The following RBFOX1 variants were observed in gnomAD, a reference collection of about 807,000 sequenced individuals.
RBFOX1 encodes RNA binding protein fox-1 homolog 1.
RBFOX1 carries 8 observed loss-of-function variants against 57.7 expected under a neutral mutation model. That is an observed-to-expected ratio of 0.14 (90% CI 0.08 to 0.25). The LOEUF is 0.25. Among genes scored for constraint, RBFOX1 ranks in the 10% least tolerant of loss-of-function variants. RBFOX1 has a pLI of 1.00. For synonymous variants in RBFOX1, 326 were observed against 222.4 expected (o/e 1.47, Z -4.15); for missense variants, 611 against 548.5 (o/e 1.11, Z -1.14).
intron 3 of RBFOX1, among the ~76,000 whole-genome samples, chr16:6,974,533 T>C (rs1367851439): frequency 6.6e-6 from 1 of 151,736 alleles, no homozygotes; most frequent in African/African-American, 2.4e-5. Flanking sequence ...TTAGTAGAGA[T>C]GAGGTTTCAT....
chr16:6,035,539 A>G (rs961307281), intron 1 of RBFOX1, among the ~76,000 whole-genome samples: 8 of 152,310 alleles, frequency 5.3e-5, no homozygotes, highest in South Asian at 2.1e-4. Context: ...GTTCCCAACT[A>G]TAGTCCAGCT....
chr16:5,893,099 T>C (rs184921897), intron 4 of RBFOX1, among the ~76,000 whole-genome samples: 6 of 152,334 alleles, frequency 3.9e-5, no homozygotes, highest in Admixed American at 3.9e-4. Flanking sequence ...CAAATGTGTA[T>C]GCAAGTTTGG....
At chr16:7,470,011 G>T (rs1224864719) in intron 4 of RBFOX1, among the ~76,000 whole-genome samples, 1 of 136,352 alleles carries the variant, frequency 7.3e-6, no homozygotes, top group Non-Finnish European at 1.6e-5. Flanking sequence ...GCTACAGCAT[G>T]GGTCAGTTTT....
intron 2 of RBFOX1, among the ~76,000 whole-genome samples, chr16:6,542,096 C>A (rs529977431): frequency 2.0e-5 from 3 of 152,020 alleles, no homozygotes; most frequent in East Asian, 3.9e-4. Flanking sequence ...ACAGAGATAA[C>A]TTTTTTTTCT....
intron 12 of RBFOX1, among the ~76,000 whole-genome samples, chr16:7,654,412 C>A (rs1314747460): frequency 6.6e-6 from 1 of 152,144 alleles, no homozygotes; most frequent in Admixed American, 6.5e-5. Flanking sequence ...GAACCTTTGC[C>A]TGCAAAGAGA....
chr16:5,906,847 G>C (rs1289222225), intron 4 of RBFOX1, among the ~76,000 whole-genome samples: 1 of 138,666 alleles, frequency 7.2e-6, no homozygotes. Context: ...CAATTCTCTT[G>C]CCTCAACCTC....
In RBFOX1 at chr16:6,019,666, G is replaced by A; in HGVS notation, c.-453G>A. On this transcript the variant is annotated 5_prime_UTR_variant, in exon 1 of 16. Transcript: ENST00000550418. This position sits in a 1 kb window ranked among gnomAD's most constrained non-coding sequence, Gnocchi z 4.2. ...AGCCAGCCGTGGGCCCCGCCCCGGC[G>A]TCCGGAGCAGGAGAACTCCGAGCTT... 3 of 1,302,356 alleles carry A rather than the reference G, an allele frequency of 2.3e-6. No homozygotes were observed. The highest frequency in any genetic ancestry group is 3.6e-5 in the Admixed American group (1 of 27,422). The allele number at this position is 1,302,356 out of a possible 1,614,324, so 80.7% of individuals were successfully genotyped here.
At chr16:6,501,131 CTTTT>C (rs1003003339) in intron 2 of RBFOX1, among the ~76,000 whole-genome samples, 48 of 107,906 alleles carry the variant, frequency 4.4e-4, no homozygotes, top group South Asian at 1.5e-3. Context: ...GTTAAACATT[CTTTT>C]TTTTTTTTTT....
chr16:6,032,854 TG>T (rs2095309696), intron 1 of RBFOX1, among the ~76,000 whole-genome samples: 1 of 151,188 alleles, frequency 6.6e-6, no homozygotes, highest in Non-Finnish European at 1.5e-5. Context: ...CCCAGAAAAG[TG>T]GTTTCAAAAT....
At position 7,322,219 on chromosome 16, in the gene RBFOX1, A is replaced by G. The variant is rs1217341010; in HGVS notation, c.28-195928A>G. 3.3e-5 allele frequency among the ~76,000 whole-genome samples: 5 copies of G among 152,366 alleles called. No homozygotes were observed. In the East Asian group the frequency reaches 9.6e-4, roughly 29 times the overall value. Reference sequence around the variant, plus strand: ...TGACTGCTAGTTATCGGACAAGGGAATGAAAGATGTGTTTTGCACTTCTTA... The same window carrying G: ...TGACTGCTAGTTATCGGACAAGGGAGTGAAAGATGTGTTTTGCACTTCTTA... On this transcript the variant is annotated intron_variant, in intron 4 of 15. Coordinates refer to ENST00000550418, the MANE Select transcript of RBFOX1 (RefSeq NM_018723.4).
At chr16:6,404,201 G>A (rs1050916738) in intron 2 of RBFOX1, among the ~76,000 whole-genome samples, 1 of 152,124 alleles carries the variant, frequency 6.6e-6, no homozygotes, top group Non-Finnish European at 1.5e-5. Flanking sequence ...AAACAATACA[G>A]TATAAAAATT....
chr16:6,476,944 A>C (rs1484389273), intron 2 of RBFOX1, among the ~76,000 whole-genome samples: 2 of 152,176 alleles, frequency 1.3e-5, no homozygotes, highest in South Asian at 2.1e-4. Context: ...TGTAGATTCC[A>C]TCTCAAGGAA....
intron 4 of RBFOX1, among the ~76,000 whole-genome samples, chr16:7,382,717 A>G (rs2097800066): frequency 6.6e-6 from 1 of 152,242 alleles, no homozygotes; most frequent in South Asian, 2.1e-4. Context: ...AAACGTTAAT[A>G]CACATCCCGC....
intron 4 of RBFOX1, among the ~76,000 whole-genome samples, chr16:5,973,848 A>C (rs1414790632): frequency 6.6e-6 from 1 of 152,168 alleles, no homozygotes; most frequent in African/African-American, 2.4e-5. Flanking sequence ...GGCTTATCCA[A>C]ACTTAGCCGT....
intron 4 of RBFOX1, among the ~76,000 whole-genome samples, chr16:7,378,689 G>C (rs1045630088): frequency 6.6e-6 from 1 of 152,024 alleles, no homozygotes; most frequent in Non-Finnish European, 1.5e-5. Context: ...TATTTCCCAG[G>C]CACTTCCTTT....
intron 3 of RBFOX1, among the ~76,000 whole-genome samples, chr16:5,701,588 C>T (rs1378100944): frequency 1.3e-5 from 2 of 152,170 alleles, no homozygotes; most frequent in Non-Finnish European, 2.9e-5. Context: ...CTGTACCACA[C>T]CTGGCTAATA....
Position 6,357,401 on chromosome 16 carries a change from C to A in RBFOX1, c.-64+40344C>A, listed in dbSNP as rs545143141. ...TTCTCCCCATTCAATTTTCCTTATTCCCCGGACTCCTCAGAAACACCCAGC... is the reference window on the plus strand; with the variant it reads ...TTCTCCCCATTCAATTTTCCTTATTACCCGGACTCCTCAGAAACACCCAGC... On this transcript the variant is annotated intron_variant, in intron 2 of 15. Transcript: ENST00000550418. 3.3e-5 allele frequency among the ~76,000 whole-genome samples: 5 copies of A among 152,094 alleles called. No homozygotes were observed. The South Asian group carries it at 1.0e-3, about 32-fold the overall frequency.
At chr16:6,942,721 C>G (rs1597929178) in intron 3 of RBFOX1, among the ~76,000 whole-genome samples, 2 of 152,048 alleles carry the variant, frequency 1.3e-5, no homozygotes, top group African/African-American at 2.4e-5. Context: ...GGACAAGTGA[C>G]CATTTAGAGA....
chr16:6,611,476 T>C (rs1169749188), intron 2 of RBFOX1, among the ~76,000 whole-genome samples: 1 of 152,180 alleles, frequency 6.6e-6, no homozygotes, highest in Non-Finnish European at 1.5e-5. Flanking sequence ...TGATGCTTCC[T>C]GTTTCCCTCG....
Sources: gnomAD v4.1 joint callset for allele counts (sites outside exome capture counted in the v4.1 genomes callset) on GRCh38, gnomAD v4.1.1 for gene constraint, Gnocchi (gnomAD v3.1) non-coding constraint, MANE v1.5 for transcripts, NCBI Gene and HGNC (gene_info 2026-07-23, HGNC 2026-07-21) for gene names.